MAGI3: variants seen among roughly 807,000 people sequenced by gnomAD.
The protein encoded by MAGI3 is membrane associated guanylate kinase, WW and PDZ domain containing 3.
A neutral mutation model predicts 121.8 loss-of-function variants in MAGI3; 43 were observed. The ratio of observed to expected loss-of-function variants is 0.35; its 90% CI spans 0.28 to 0.46. MAGI3 has a LOEUF of 0.46. Among genes scored for constraint, MAGI3 ranks in the 20% least tolerant of loss-of-function variants. The probability of loss-of-function intolerance (pLI) is 1.00; values close to 1 mark genes in which losing one functional copy is unlikely to be tolerated. For synonymous variants in MAGI3, 553 were observed against 639.3 expected (o/e 0.86, Z 2.04); for missense variants, 1,547 against 1,797.3 (o/e 0.86, Z 2.52).
chr1:113,507,378 C>T (rs1657386302), intron 1 of MAGI3, among the ~76,000 whole-genome samples: 1 of 152,070 alleles, frequency 6.6e-6, no homozygotes, highest in African/African-American at 2.4e-5. Context: ...TATGTTATTT[C>T]ACTAATCTTT....
chr1:113,672,012 C>G (rs1488052994), intron 17 of MAGI3, among the ~76,000 whole-genome samples, 176 bp downstream of exon 17: 1 of 152,238 alleles, frequency 6.6e-6, no homozygotes, highest in African/African-American at 2.4e-5. Flanking sequence ...TCACCTCCAC[C>G]CATTCAGTAC....
At chr1:113,549,749 C>T (rs773575364) in intron 2 of MAGI3, 118 bp downstream of exon 2, 1 of 530,852 alleles carries the variant, frequency 1.9e-6, no homozygotes, top group East Asian at 3.2e-5. Context: ...AAGTTGGGAA[C>T]AAGAATGAAA....
At chr1:113,662,432 TA>T (rs772141972) in intron 16 of MAGI3, among the ~76,000 whole-genome samples, 9 of 151,662 alleles carry the variant, frequency 5.9e-5, no homozygotes, top group South Asian at 2.1e-4. Context: ...CTGCTTACTG[TA>T]AAAAAAAACT....
At chr1:113,407,781 G>GTT in intron 1 of MAGI3, among the ~76,000 whole-genome samples, 1 of 152,192 alleles carries the variant, frequency 6.6e-6, no homozygotes, top group African/African-American at 2.4e-5. Context: ...ATTTTAGCTT[G>GTT]TAAGAATAAA....
In MAGI3 at chr1:113,566,483, A is replaced by T. The variant is rs138077787; in HGVS notation, c.434-14059A>T. Among the ~76,000 whole-genome samples, 7 of 152,334 alleles carry T rather than the reference A, an allele frequency of 4.6e-5. No homozygotes were observed. The East Asian group carries it at 1.3e-3, about 29-fold the overall frequency. ...ACCTAACCGACATACAGAACATTTC[A>T]TCCAATAACAGCAGAATATACACTC... On this transcript the variant is annotated intron_variant, in intron 2 of 20. Coordinates refer to ENST00000307546, the MANE Select transcript of MAGI3 (RefSeq NM_001142782.2).
chr1:113,649,995 G>A (rs1653067435), intron 13 of MAGI3, among the ~76,000 whole-genome samples: 1 of 152,110 alleles, frequency 6.6e-6, no homozygotes, highest in South Asian at 2.1e-4. Context: ...TAACAAAGAA[G>A]TAATGTGTTC....
intron 1 of MAGI3, among the ~76,000 whole-genome samples, chr1:113,459,080 A>G (rs1169130426): frequency 6.6e-6 from 1 of 152,182 alleles, no homozygotes. Context: ...ACTGATTTCC[A>G]GATTTAAAAT....
intron 9 of MAGI3, among the ~76,000 whole-genome samples, chr1:113,638,566 C>G (rs1164471433): frequency 1.3e-5 from 2 of 152,232 alleles, no homozygotes; most frequent in Non-Finnish European, 2.9e-5. Flanking sequence ...ACCGTGAATG[C>G]TGCTGTCTGA....
chr1:113,563,836 A>G (rs1660333650), intron 2 of MAGI3, among the ~76,000 whole-genome samples: 1 of 152,136 alleles, frequency 6.6e-6, no homozygotes. Context: ...TAAATCCCTG[A>G]CCCACTAACT....
At chr1:113,571,384 T>G (rs1050039302) in intron 2 of MAGI3, among the ~76,000 whole-genome samples, 2 of 152,224 alleles carry the variant, frequency 1.3e-5, no homozygotes, top group African/African-American at 4.8e-5. Flanking sequence ...GAGGTCTTTT[T>G]GTTTCCATAT....
intron 9 of MAGI3, among the ~76,000 whole-genome samples, chr1:113,641,272 T>C (rs1570986306): frequency 2.0e-5 from 3 of 149,196 alleles, no homozygotes; most frequent in African/African-American, 7.4e-5. Context: ...GGTAATCACC[T>C]GGAGAATGGT....
chr1:113,587,325 A>G (rs1362423375), intron 4 of MAGI3, among the ~76,000 whole-genome samples: 4 of 152,162 alleles, frequency 2.6e-5, no homozygotes, highest in Non-Finnish European at 4.4e-5. Context: ...CCTCCTAAGT[A>G]GCTAGGATTA....
At chr1:113,545,006 C>T (rs565639261) in intron 1 of MAGI3, among the ~76,000 whole-genome samples, 2 of 150,900 alleles carry the variant, frequency 1.3e-5, no homozygotes, top group African/African-American at 4.9e-5. Context: ...AGTTGACGGA[C>T]TCAGGTATAA....
intron 9 of MAGI3, among the ~76,000 whole-genome samples, chr1:113,639,051 A>G (rs557815021): frequency 1.3e-5 from 2 of 152,172 alleles, no homozygotes; most frequent in Non-Finnish European, 2.9e-5. Flanking sequence ...TGCGGCATAT[A>G]ATCTCCTGGT....
intron 2 of MAGI3, among the ~76,000 whole-genome samples, chr1:113,555,792 A>G (rs1401862654): frequency 6.6e-6 from 1 of 151,980 alleles, no homozygotes; most frequent in Non-Finnish European, 1.5e-5. Context: ...AGTCCTAGCT[A>G]CTCGAGAGGC....
intron 3 of MAGI3, among the ~76,000 whole-genome samples, chr1:113,582,551 A>G (rs899369739): frequency 6.6e-6 from 1 of 152,104 alleles, no homozygotes; most frequent in Non-Finnish European, 1.5e-5. Context: ...TTACAAAAGG[A>G]TATGTACATT....
chr1:113,434,275 A>G (rs1171733000), intron 1 of MAGI3, among the ~76,000 whole-genome samples: 2 of 152,170 alleles, frequency 1.3e-5, no homozygotes, highest in African/African-American at 4.8e-5. Flanking sequence ...TAATCATTAA[A>G]AGCACACTGA....
chr1:113,580,416 T>C, intron 2 of MAGI3, 126 bp from the exon 3 acceptor site: 1 of 743,116 alleles, frequency 1.3e-6, no homozygotes. Context: ...TTTACCTTAA[T>C]AAAGTTGGGG....
rs867186942 is a variant in MAGI3 at position 113,683,143 on chromosome 1, G to A, written c.3575G>A (p.Ser1192Asn). 1.9e-6 allele frequency: 3 copies of A among 1,613,482 alleles called. No homozygotes were observed. Among genetic ancestry groups the A allele is most frequent in the South Asian group, 1.1e-5 (1 of 90,926 alleles). Residue 1192 changes from serine (S) to asparagine (N), a missense_variant, in exon 21 of 21, where the codon AGT (serine) becomes AAT (asparagine). Ser to Asn is a conservative substitution (Grantham distance 46). Transcript: ENST00000307546. The stretch of plus-strand genomic sequence containing the variant: ...CAGTCTCTTCTCCAGAAAAATGTGA[G>A]TAAGAGGGATCCACCCAGCAGTCAT... Reference protein sequence around the residue: ...KHQSLLQKNVSKRDPPSSHGH... With the variant: ...KHQSLLQKNVNKRDPPSSHGH...
Sources: gnomAD v4.1 joint callset for allele counts (sites outside exome capture counted in the v4.1 genomes callset) on GRCh38, gnomAD v4.1.1 for gene constraint, MANE v1.5 for transcripts, NCBI Gene and HGNC (gene_info 2026-07-23, HGNC 2026-07-21) for gene names.